CPEB4: variants seen among roughly 807,000 people sequenced by gnomAD.
CPEB4 encodes the protein cytoplasmic polyadenylation element-binding protein 4.
Under a neutral mutation model 72.5 loss-of-function variants are expected in CPEB4, and 12 were observed. The ratio of observed to expected loss-of-function variants is 0.17; its 90% CI spans 0.11 to 0.27. CPEB4 has a LOEUF of 0.27. Ranked by LOEUF, CPEB4 falls within the 10% of genes least tolerant of loss-of-function variation. The probability of loss-of-function intolerance (pLI) is 1.00; values close to 1 mark genes in which losing one functional copy is unlikely to be tolerated. For synonymous variants in CPEB4, 302 were observed against 326.3 expected (o/e 0.93, Z 0.80); for missense variants, 614 against 908.5 (o/e 0.68, Z 4.17).
chr5:173,937,113 G>T (rs1757655920), intron 3 of CPEB4, among the ~76,000 whole-genome samples: 2 of 148,408 alleles, frequency 1.3e-5, no homozygotes, highest in South Asian at 4.2e-4. Context: ...CTCCATCTCG[G>T]CTCACTGTAG....
intron 6 of CPEB4, 55 bp from the exon 7 acceptor site, chr5:173,949,905 A>C (rs978270531): frequency 8.1e-7 from 1 of 1,228,322 alleles, no homozygotes; most frequent in African/African-American, 1.5e-5. Flanking sequence ...CTTTCCCCTG[A>C]AGAATTACCA....
At chr5:173,943,081 C>T (rs747402717) in intron 4 of CPEB4, 32 bp downstream of exon 4, 29 of 1,606,566 alleles carry the variant, frequency 1.8e-5, no homozygotes, top group African/African-American at 8.0e-5. Flanking sequence ...AAATGTATCA[C>T]TTGTATTTGG....
At chr5:173,908,668 C>T (rs1444734722) in intron 1 of CPEB4, among the ~76,000 whole-genome samples, 2 of 151,624 alleles carry the variant, frequency 1.3e-5, no homozygotes, top group African/African-American at 4.8e-5. Flanking sequence ...ATGTTAGGTC[C>T]ATCCAAAAAA....
chr5:173,954,218 T>C (rs1758303899), intron 9 of CPEB4, among the ~76,000 whole-genome samples: 1 of 152,192 alleles, frequency 6.6e-6, no homozygotes, highest in Admixed American at 6.5e-5. Context: ...GTAGCAGTTT[T>C]TGCTTTTTAT....
intron 4 of CPEB4, 26 bp downstream of exon 4, chr5:173,943,075 G>A (rs1050261953): frequency 1.9e-6 from 3 of 1,607,938 alleles, no homozygotes; most frequent in South Asian, 2.2e-5. Flanking sequence ...ACTTTTAAAT[G>A]TATCACTTGT....
In CPEB4 at chr5:173,888,413, T is replaced by TGGCGGCGGCGGTGGC; in HGVS notation, c.-1310_-1309insTGGCGGCGGCGGCGG. Reference sequence around the variant, plus strand: ...GCGGGACCCGGGCACCGGGAGGCGGTGGCGGCGGCGGCGGCGGCAGCAGCG... The same window carrying TGGCGGCGGCGGTGGC: ...GCGGGACCCGGGCACCGGGAGGCGGTGGCGGCGGCGGTGGCGGCGGCGGCGGCGGCGGCAGCAGCG... On this transcript the variant is annotated 5_prime_UTR_variant, in exon 1 of 10. Coordinates refer to ENST00000265085, the MANE Select transcript of CPEB4 (RefSeq NM_030627.4). The surrounding 1 kb of genome is among the most constrained non-coding windows in gnomAD (Gnocchi z 4.3). 2.3e-6 allele frequency: 1 copy of TGGCGGCGGCGGTGGC among 443,882 alleles called. No homozygotes were observed. Among genetic ancestry groups the TGGCGGCGGCGGTGGC allele is most frequent in the Non-Finnish European group, 3.9e-6 (1 of 256,590 alleles). The allele number at this position is 443,882 out of a possible 1,614,324, so 27.5% of individuals were successfully genotyped here.
At chr5:173,936,415 A>G (rs902502438) in intron 3 of CPEB4, among the ~76,000 whole-genome samples, 2 of 152,152 alleles carry the variant, frequency 1.3e-5, no homozygotes, top group South Asian at 4.1e-4. Context: ...TTTAACCTTA[A>G]TTACCTTTTT....
intron 1 of CPEB4, among the ~76,000 whole-genome samples, chr5:173,905,013 TAATAAA>T (rs777238234): frequency 0.24 from 23,385 of 98,844 alleles, 2,008 homozygotes; most frequent in South Asian, 0.34. Flanking sequence ...ATAATAATAA[TAATAAA>T]AAAATGTAAC....
intron 2 of CPEB4, among the ~76,000 whole-genome samples, chr5:173,920,936 T>C (rs1465085132): frequency 6.6e-6 from 1 of 152,148 alleles, no homozygotes; most frequent in Non-Finnish European, 1.5e-5. Flanking sequence ...AATATTATGT[T>C]TAGAAAACAG....
At chr5:173,953,316 C>T in intron 9 of CPEB4, 44 bp downstream of exon 9, 1 of 1,368,708 alleles carries the variant, frequency 7.3e-7, no homozygotes, top group South Asian at 1.8e-5. Flanking sequence ...AAATGGTCCT[C>T]TAAATGTGTG....
In CPEB4 at chr5:173,950,533, A is replaced by G. The variant is rs532883511; in HGVS notation, c.1665+455A>G. On this transcript the variant is annotated intron_variant, in intron 7 of 9. Coordinates refer to ENST00000265085, the MANE Select transcript of CPEB4 (RefSeq NM_030627.4). The surrounding 1 kb of genome is among the most constrained non-coding windows in gnomAD (Gnocchi z 5.0). Reference sequence around the variant, plus strand: ...GGCAGGACAATCACCTGAACCCAGGAGGCGGAGGTTGCAGTGAGCAGAGAT... The same window carrying G: ...GGCAGGACAATCACCTGAACCCAGGGGGCGGAGGTTGCAGTGAGCAGAGAT... 1.3e-5 allele frequency among the ~76,000 whole-genome samples: 2 copies of G among 152,252 alleles called. No individual in the cohort carries two copies. The highest frequency in any genetic ancestry group is 4.1e-4 in the South Asian group (2 of 4,822).
intron 1 of CPEB4, among the ~76,000 whole-genome samples, chr5:173,898,151 T>C (rs1756093738): frequency 6.6e-6 from 1 of 152,200 alleles, no homozygotes; most frequent in African/African-American, 2.4e-5. Context: ...AACTAAGTTA[T>C]AATTAGTTCC....
rs1758225885 is a variant in CPEB4 at position 173,951,820 on chromosome 5, C to T, written c.1666-4C>T. 1.3e-6 allele frequency: 2 copies of T among 1,593,730 alleles called. No individual in the cohort carries two copies. Among genetic ancestry groups the T allele is most frequent in the South Asian group, 2.2e-5 (2 of 90,684 alleles). On this transcript the variant is annotated splice_region_variant and splice_polypyrimidine_tract_variant and intron_variant, in intron 7 of 9. Transcript: ENST00000265085. ...TGAGACATTTTGGTTTGTACATTCC[C>T]TAGGTCCAGATTCGGCCTTGGAATC... is the stretch of plus-strand genomic sequence containing the variant.
rs1178973038 is a variant in CPEB4 at position 173,930,307 on chromosome 5, C to T, written c.1208-2143C>T. 2.0e-4 allele frequency among the ~76,000 whole-genome samples: 30 copies of T among 152,330 alleles called. 1 individual carries two copies. The highest frequency in any genetic ancestry group is 1.8e-4 in the Non-Finnish European group (12 of 68,030). On this transcript the variant is annotated intron_variant, in intron 2 of 9. Transcript: ENST00000265085. ...CTGATCTCAGGCAATCTGCCCGCCTCGGCCTCTCAAAGTGCTGGGGTTACA... is the reference window on the plus strand; with the variant it reads ...CTGATCTCAGGCAATCTGCCCGCCTTGGCCTCTCAAAGTGCTGGGGTTACA...
At chr5:173,948,572 A>G (rs1191017993) in intron 5 of CPEB4, among the ~76,000 whole-genome samples, 2 of 152,192 alleles carry the variant, frequency 1.3e-5, no homozygotes, top group Non-Finnish European at 2.9e-5. Flanking sequence ...AGTTTGGAAT[A>G]CGTCACATGA....
chr5:173,913,386 T>A (rs1561613586), intron 2 of CPEB4, among the ~76,000 whole-genome samples: 1 of 152,072 alleles, frequency 6.6e-6, no homozygotes, highest in African/African-American at 2.4e-5. Flanking sequence ...TTAGTAGAGA[T>A]GGGGTTTCAC....
chr5:173,948,363 A>T (rs1025384292), intron 5 of CPEB4, among the ~76,000 whole-genome samples: 3 of 152,176 alleles, frequency 2.0e-5, no homozygotes, highest in Admixed American at 6.5e-5. Context: ...TGGTAGAGAA[A>T]CCAGGCGATC....
At chr5:173,894,839 G>T (rs148728941) in intron 1 of CPEB4, among the ~76,000 whole-genome samples, 125 of 152,138 alleles carry the variant, frequency 8.2e-4, no homozygotes, top group Admixed American at 1.7e-3. Context: ...AAGGGAGAGT[G>T]CCTCCCAGAC....
At position 173,955,864 on chromosome 5, in the gene CPEB4, G is replaced by T; in HGVS notation, c.1963-46G>T. On this transcript the variant is annotated intron_variant, in intron 9 of 9. Transcript: ENST00000265085. The surrounding 1 kb of genome is among the most constrained non-coding windows in gnomAD (Gnocchi z 4.7). Reference sequence around the variant, plus strand: ...GAAATGTACATGTATGGTAAGCATTGCTGGCCTAGTCACTGAAAAATGTAA... The same window carrying T: ...GAAATGTACATGTATGGTAAGCATTTCTGGCCTAGTCACTGAAAAATGTAA... 1 of 1,480,894 alleles carries T rather than the reference G, an allele frequency of 6.8e-7. No homozygotes were observed. Among genetic ancestry groups the T allele is most frequent in the South Asian group, 1.2e-5 (1 of 82,572 alleles). The allele number at this position is 1,480,894 out of a possible 1,614,324, so 91.7% of individuals were successfully genotyped here.
Sources: gnomAD v4.1 joint callset for allele counts (sites outside exome capture counted in the v4.1 genomes callset) on GRCh38, gnomAD v4.1.1 for gene constraint, Gnocchi (gnomAD v3.1) non-coding constraint, MANE v1.5 for transcripts, NCBI Gene and HGNC (gene_info 2026-07-23, HGNC 2026-07-21) for gene names.